AGMO: variants seen among roughly 807,000 people sequenced by gnomAD.
AGMO encodes alkylglycerol monooxygenase, also known as glyceryl-ether monooxygenase.
A neutral mutation model predicts 60.2 loss-of-function variants in AGMO; 75 were observed. The observed-to-expected ratio is 1.25, with a 90% CI of 1.03 to 1.51. The LOEUF (loss-of-function observed/expected upper bound fraction) is 1.51, where lower values mean the gene tolerates loss of function less well. AGMO is among the 40% of genes most tolerant of loss of function. The pLI is 0.00. For synonymous variants in AGMO, 261 were observed against 177.1 expected (o/e 1.47, Z -3.76); for missense variants, 763 against 525.5 (o/e 1.45, Z -4.42).
At chr7:15,273,602 T>C (rs1418493749) in intron 12 of AGMO, among the ~76,000 whole-genome samples, 2 of 152,138 alleles carry the variant, frequency 1.3e-5, no homozygotes, top group African/African-American at 2.4e-5. Context: ...CTTGGCAATT[T>C]GGGCTCTTTT....
chr7:15,351,454 T>C (rs1782240873), intron 12 of AGMO, among the ~76,000 whole-genome samples: 1 of 152,154 alleles, frequency 6.6e-6, no homozygotes, highest in Admixed American at 6.5e-5. Context: ...TAGCATTTCT[T>C]AAAGGCATGA....
intron 12 of AGMO, among the ~76,000 whole-genome samples, chr7:15,356,953 CAAAAAAAAA>C (rs917201250): frequency 1.5e-5 from 1 of 68,922 alleles, no homozygotes; most frequent in Non-Finnish European, 2.9e-5. Context: ...ACTAAAATTA[CAAAAAAAAA>C]AAAAAAAAAA....
At chr7:15,173,773 T>C in the AGMO span, among the ~76,000 whole-genome samples, 1 of 151,780 alleles carries the variant, frequency 6.6e-6, no homozygotes, top group Non-Finnish European at 1.5e-5. Context: ...CCAATAGATA[T>C]AAATTTGAAA....
chr7:15,178,905 G>C, the AGMO span, among the ~76,000 whole-genome samples: 4 of 152,078 alleles, frequency 2.6e-5, no homozygotes, highest in Non-Finnish European at 4.4e-5. Context: ...GCAGGAAATG[G>C]CAGGCAGAGG....
intron 3 of AGMO, among the ~76,000 whole-genome samples, chr7:15,484,152 G>C (rs147772876): frequency 0.023 from 3,448 of 152,034 alleles, 60 homozygotes; most frequent in Middle Eastern, 0.051. Flanking sequence ...TCACAAAAAA[G>C]ACATTGCAAA....
intron 3 of AGMO, among the ~76,000 whole-genome samples, chr7:15,535,971 C>T (rs1383644498): frequency 3.3e-5 from 5 of 151,714 alleles, no homozygotes; most frequent in East Asian, 1.9e-4. Flanking sequence ...GTCTCATGAA[C>T]GACTGAGTGC....
At chr7:15,450,915 G>A (rs1480243845) in intron 3 of AGMO, among the ~76,000 whole-genome samples, 3 of 151,822 alleles carry the variant, frequency 2.0e-5, no homozygotes, top group African/African-American at 7.3e-5. Flanking sequence ...CTTTGGATGG[G>A]GCAAAAATGA....
chr7:15,491,928 T>G (rs1371901300), intron 3 of AGMO, among the ~76,000 whole-genome samples: 1 of 152,202 alleles, frequency 6.6e-6, no homozygotes, highest in Non-Finnish European at 1.5e-5. Flanking sequence ...GGTATTGTCT[T>G]GCTTCCACAC....
intron 12 of AGMO, among the ~76,000 whole-genome samples, chr7:15,251,572 A>G (rs1052855373): frequency 6.6e-6 from 1 of 152,240 alleles, no homozygotes; most frequent in Non-Finnish European, 1.5e-5. Flanking sequence ...AGCAAGATAG[A>G]TAACCATTAT....
At chr7:15,208,449 A>T (rs1419116338) in intron 12 of AGMO, among the ~76,000 whole-genome samples, 1 of 152,104 alleles carries the variant, frequency 6.6e-6, no homozygotes, top group African/African-American at 2.4e-5. Context: ...TGAGAAGAAA[A>T]TTTTTTAAAA....
intron 3 of AGMO, among the ~76,000 whole-genome samples, chr7:15,453,940 T>C (rs1287979428): frequency 6.7e-6 from 1 of 148,680 alleles, no homozygotes; most frequent in African/African-American, 2.4e-5. Context: ...TATTATATAA[T>C]ATCTATTATG....
chr7:15,222,838 T>C (rs1046074845), intron 12 of AGMO, among the ~76,000 whole-genome samples: 9 of 152,146 alleles, frequency 5.9e-5, no homozygotes, highest in African/African-American at 2.2e-4. Context: ...TACTTTAGTG[T>C]TCATTTCTTA....
the AGMO span, among the ~76,000 whole-genome samples, chr7:15,166,283 G>A: frequency 6.6e-6 from 1 of 152,120 alleles, no homozygotes; most frequent in Non-Finnish European, 1.5e-5. Flanking sequence ...GATGAATGAA[G>A]AGTGAGCCCT....
chr7:15,368,995 C>A (rs1177257426), intron 10 of AGMO, among the ~76,000 whole-genome samples: 1 of 152,072 alleles, frequency 6.6e-6, no homozygotes, highest in African/African-American at 2.4e-5. Flanking sequence ...AACATATATT[C>A]ACTAGTTTTC....
intron 3 of AGMO, among the ~76,000 whole-genome samples, chr7:15,482,599 C>A (rs564447562): frequency 6.6e-6 from 1 of 152,152 alleles, no homozygotes; most frequent in South Asian, 2.1e-4. Context: ...CAAATTTAAG[C>A]ACTGTAGAGC....
chr7:15,474,856 A>C (rs912901765), intron 3 of AGMO, among the ~76,000 whole-genome samples: 1 of 152,080 alleles, frequency 6.6e-6, no homozygotes, highest in African/African-American at 2.4e-5. Flanking sequence ...TACATAAAAA[A>C]AACAACCCCA....
chr7:15,539,139 A>C (rs558713276), intron 3 of AGMO, among the ~76,000 whole-genome samples: 51 of 152,032 alleles, frequency 3.4e-4, no homozygotes, highest in Non-Finnish European at 6.6e-4. Context: ...ATTATTATTA[A>C]TTTTATTATT....
chr7:15,437,149 G>C (rs1781425270), intron 3 of AGMO, among the ~76,000 whole-genome samples: 1 of 151,982 alleles, frequency 6.6e-6, no homozygotes, highest in African/African-American at 2.4e-5. Flanking sequence ...AAATATAATA[G>C]CCCATGAATA....
chr7:15,532,106 C>G (rs939567821), intron 3 of AGMO, among the ~76,000 whole-genome samples: 1 of 152,150 alleles, frequency 6.6e-6, no homozygotes, highest in African/African-American at 2.4e-5. Flanking sequence ...GCAGAGGAAG[C>G]ATCACTTCAT....
Sources: allele counts gnomAD v4.1 joint callset (sites outside exome capture counted in the v4.1 genomes callset), GRCh38; gene constraint gnomAD v4.1.1; transcripts MANE v1.5; gene names NCBI Gene and HGNC (gene_info 2026-07-23, HGNC 2026-07-21).